The following UNC5B variants were observed in gnomAD, a reference collection of about 807,000 sequenced individuals.
The protein encoded by UNC5B is unc-5 netrin receptor B.
A neutral mutation model predicts 103.7 loss-of-function variants in UNC5B; 56 were observed. The ratio of observed to expected loss-of-function variants is 0.54; its 90% confidence interval spans 0.44 to 0.67. The LOEUF (loss-of-function observed/expected upper bound fraction) is 0.67. Among genes scored for constraint, UNC5B ranks in the 30% least tolerant of loss-of-function variants. The pLI, the probability that UNC5B is intolerant of heterozygous loss-of-function variation, is 0.00. For synonymous variants in UNC5B, 577 were observed against 542.0 expected, an observed-to-expected ratio of 1.06 and a Z score of -0.90; for missense variants, 1,194 against 1,284.5, an observed-to-expected ratio of 0.93 and a Z score of 1.08.
chr10:71,289,522 C>A (rs1845190809), intron 8 of UNC5B, among the ~76,000 whole-genome samples: 1 of 152,218 alleles, frequency 6.6e-6, no homozygotes, highest in African/African-American at 2.4e-5. Context: ...AGAGGCTGCG[C>A]CACCACTGCA....
Position 71,301,168 on chromosome 10 carries a change from C to A in UNC5B, c.*1891C>A, listed in dbSNP as rs972157203. ...GCAGGTCTCCGAGCAGCCACTGGGA[C>A]CCGTCTCAGCACATCCTGGCCTTTG... is the stretch of plus-strand genomic sequence containing the variant. On this transcript the variant is annotated 3_prime_UTR_variant, in exon 17 of 17. Coordinates refer to ENST00000335350, the MANE Select transcript of UNC5B (RefSeq NM_170744.5). The A allele has an allele frequency of 4.6e-5, 7 of 152,484 alleles. No homozygotes were observed. The highest frequency in any genetic ancestry group is 1.4e-4 in the African/African-American group (6 of 41,592). 9.4% of individuals were successfully genotyped at this position (152,484 alleles called of 1,614,324 possible).
At chr10:71,286,420 G>T (rs10823717) in intron 4 of UNC5B, among the ~76,000 whole-genome samples, 58,457 of 152,058 alleles carry the variant, frequency 0.38, 13,706 homozygotes, top group Non-Finnish European at 0.54. Flanking sequence ...TGTAATCCTC[G>T]CGATGGATCC....
chr10:71,284,978 C>T (rs929113195), intron 3 of UNC5B, 115 bp downstream of exon 3: 1 of 1,438,960 alleles, frequency 6.9e-7, no homozygotes, highest in Non-Finnish European at 9.3e-7. Flanking sequence ...GCTGAGGATG[C>T]CCACGGCAGA....
At chr10:71,220,652 T>A (rs1224927106) in intron 1 of UNC5B, among the ~76,000 whole-genome samples, 1 of 152,128 alleles carries the variant, frequency 6.6e-6, no homozygotes, top group Non-Finnish European at 1.5e-5. Context: ...AATAACATCA[T>A]CCTCAGAATT....
At chr10:71,235,986 C>T (rs1490601844) in intron 1 of UNC5B, among the ~76,000 whole-genome samples, 2 of 152,252 alleles carry the variant, frequency 1.3e-5, no homozygotes, top group African/African-American at 2.4e-5. Context: ...CCACACTCTG[C>T]CACTAATACG....
chr10:71,263,026 G>T (rs913499426), intron 1 of UNC5B, among the ~76,000 whole-genome samples: 1 of 152,216 alleles, frequency 6.6e-6, no homozygotes, highest in African/African-American at 2.4e-5. Context: ...GGCTCTCTGG[G>T]GAAGTGAACT....
chr10:71,290,281 C>T (rs576693000), intron 8 of UNC5B, among the ~76,000 whole-genome samples: 4 of 152,230 alleles, frequency 2.6e-5, no homozygotes, highest in East Asian at 1.9e-4. Context: ...TGAGGCTTCC[C>T]GCCTGGCCAT....
At chr10:71,282,729 G>A (rs371979174) in intron 2 of UNC5B, among the ~76,000 whole-genome samples, 4 of 152,076 alleles carry the variant, frequency 2.6e-5, no homozygotes, top group Non-Finnish European at 5.9e-5. Flanking sequence ...CCATCAGGAC[G>A]GGGCTGTCCC....
chr10:71,251,546 C>T (rs1844172199), intron 1 of UNC5B, among the ~76,000 whole-genome samples: 2 of 152,190 alleles, frequency 1.3e-5, no homozygotes, highest in South Asian at 4.1e-4. Flanking sequence ...AAGAATCCAT[C>T]ATGTGCCATT....
chr10:71,279,709 C>T lies in UNC5B; in HGVS notation c.80-112C>T. 2.5e-6 allele frequency: 3 copies of T among 1,195,990 alleles called. 1 individual carries two copies. The South Asian group carries it at 4.6e-5, about 18-fold the overall frequency. The allele number at this position is 1,195,990 out of a possible 1,614,324, so 74.1% of individuals were successfully genotyped here. On this transcript the variant is annotated intron_variant, in intron 1 of 16. Coordinates refer to ENST00000335350, the MANE Select transcript of UNC5B (RefSeq NM_170744.5). ...GTCCCCAGGAGGGCTCTGGCTGCCC[C>T]ACCTCTGCCTCCCCTGTCCTCTTCG...
At chr10:71,253,930 G>A (rs1316243508) in intron 1 of UNC5B, among the ~76,000 whole-genome samples, 2 of 152,132 alleles carry the variant, frequency 1.3e-5, no homozygotes, top group East Asian at 3.9e-4. Context: ...TCTGGTTCCA[G>A]GCGTGTCCTT....
In UNC5B at chr10:71,257,035, C is replaced by T. The variant is rs190387863; in HGVS notation, c.80-22786C>T. 2.6e-4 allele frequency among the ~76,000 whole-genome samples: 40 copies of T among 152,234 alleles called. No individual in the cohort carries two copies. The East Asian group carries it at 7.6e-3, about 29-fold the overall frequency. On this transcript the variant is annotated intron_variant, in intron 1 of 16. Coordinates refer to ENST00000335350, the MANE Select transcript of UNC5B (RefSeq NM_170744.5). ...ATGCTAAGGAGGAGGCTGGGACAGCCCCAACAGCGGGGCCCAGAGGAAGGG... is the reference window on the plus strand; with the variant it reads ...ATGCTAAGGAGGAGGCTGGGACAGCTCCAACAGCGGGGCCCAGAGGAAGGG...
intron 1 of UNC5B, among the ~76,000 whole-genome samples, chr10:71,272,051 TC>T (rs1333948361): frequency 1.3e-5 from 2 of 151,886 alleles, no homozygotes; most frequent in Non-Finnish European, 2.9e-5. Context: ...CAGGGAGGGG[TC>T]CTTCCATGTG....
intron 1 of UNC5B, among the ~76,000 whole-genome samples, chr10:71,216,536 C>G (rs1185079837): frequency 6.6e-6 from 1 of 152,222 alleles, no homozygotes; most frequent in Non-Finnish European, 1.5e-5. Flanking sequence ...AGCCAAGCTC[C>G]CTTGGGCTGC....
intron 8 of UNC5B, among the ~76,000 whole-genome samples, chr10:71,289,943 A>G (rs546565128): frequency 1.3e-5 from 2 of 152,300 alleles, no homozygotes; most frequent in East Asian, 1.9e-4. Context: ...AAGCAGGGCT[A>G]CTTCTCTGAG....
At chr10:71,236,574 A>G (rs1280795497) in intron 1 of UNC5B, among the ~76,000 whole-genome samples, 5 of 152,166 alleles carry the variant, frequency 3.3e-5, no homozygotes, top group Non-Finnish European at 7.4e-5. Flanking sequence ...AGCGTTTCTC[A>G]GAGCTCCTCA....
intron 1 of UNC5B, among the ~76,000 whole-genome samples, chr10:71,230,803 G>A (rs1037503908): frequency 6.6e-6 from 1 of 152,262 alleles, no homozygotes; most frequent in Non-Finnish European, 1.5e-5. Flanking sequence ...TTATGGGGCA[G>A]GGAAGCAGGG....
At chr10:71,262,943 A>G (rs555977086) in intron 1 of UNC5B, among the ~76,000 whole-genome samples, 34 of 152,360 alleles carry the variant, frequency 2.2e-4, no homozygotes, top group Admixed American at 3.9e-4. Flanking sequence ...TGAAAAGGTA[A>G]TGAGGGTAAT....
At position 71,291,734 on chromosome 10, in the gene UNC5B, C is replaced by T. The variant is rs1845267998; in HGVS notation, c.1597C>T (p.Gln533Ter). The change falls in exon 10 of 17, where the codon CAG (glutamine) becomes TAG (stop). Residue 533 changes from glutamine to a stop codon, truncating the protein, a stop_gained. Coordinates refer to ENST00000335350, the MANE Select transcript of UNC5B (RefSeq NM_170744.5). LOFTEE classifies it high-confidence loss of function. ...GCGCAGCGCCAGCCTCGGTTCCCAG[C>T]AGCTCTTGGGCCTGCCCCGAGACCC... ...HLRSASLGSQ[Q>*]LLGLPRDPGS... 3 of 1,611,664 alleles carry T rather than the reference C, an allele frequency of 1.9e-6. No homozygotes were observed. The highest frequency in any genetic ancestry group is 1.7e-5 in the Admixed American group (1 of 59,994).
Sources: allele counts gnomAD v4.1 joint callset (sites outside exome capture counted in the v4.1 genomes callset), GRCh38; gene constraint gnomAD v4.1.1; transcripts MANE v1.5; gene names NCBI Gene and HGNC (gene_info 2026-07-23, HGNC 2026-07-21).